The following RUFY3 variants were observed in gnomAD, a reference collection of about 807,000 sequenced individuals.
RUFY3 encodes RUN and FYVE domain containing 3.
Under a neutral mutation model 84.0 loss-of-function variants are expected in RUFY3, and 34 were observed. The observed-to-expected ratio is 0.40, with a 90% CI of 0.31 to 0.54. The LOEUF is 0.54. Ranked by LOEUF, RUFY3 falls within the 20% of genes least tolerant of loss-of-function variation. RUFY3 has a pLI of 0.39. For missense variants in RUFY3, 507 were observed against 736.8 expected (o/e 0.69, Z 3.61); for synonymous variants, 242 against 252.9 (o/e 0.96, Z 0.41).
chr4:70,732,235 T>C (rs182651278), intron 1 of RUFY3, among the ~76,000 whole-genome samples: 2 of 152,330 alleles, frequency 1.3e-5, no homozygotes, highest in East Asian at 3.9e-4. Flanking sequence ...CTAGAAATCA[T>C]TCCCCAGTTA....
intron 1 of RUFY3, among the ~76,000 whole-genome samples, chr4:70,732,688 A>G (rs543875454): frequency 9.9e-5 from 15 of 152,052 alleles, no homozygotes; most frequent in Admixed American, 2.0e-4. Flanking sequence ...GTTCTCACTC[A>G]TAAGTGGGAG....
intron 4 of RUFY3, among the ~76,000 whole-genome samples, chr4:70,765,013 C>T (rs1200729711): frequency 2.0e-5 from 3 of 151,862 alleles, no homozygotes; most frequent in Admixed American, 6.6e-5. Context: ...TGTCGAAACC[C>T]TATCTCTACT....
chr4:70,735,706 G>T (rs1395512161), intron 1 of RUFY3, among the ~76,000 whole-genome samples: 2 of 152,070 alleles, frequency 1.3e-5, no homozygotes, highest in Non-Finnish European at 2.9e-5. Flanking sequence ...GCTGGGTGCT[G>T]CTGGGCACTG....
At chr4:70,785,712 C>G (rs1210807336) in intron 10 of RUFY3, among the ~76,000 whole-genome samples, 1 of 151,924 alleles carries the variant, frequency 6.6e-6, no homozygotes, top group Non-Finnish European at 1.5e-5. Context: ...TGGCATGCAC[C>G]TGTAATCCCA....
intron 1 of RUFY3, 109 bp downstream of exon 1, chr4:70,722,860 C>CA: frequency 1.9e-6 from 2 of 1,068,960 alleles, no homozygotes; most frequent in Non-Finnish European, 2.7e-6. Flanking sequence ...CAACTGTTAA[C>CA]AGTCCTGAAA....
chr4:70,805,278 C>T lies in RUFY3; in HGVS notation c.1719+862C>T, dbSNP rs193104778. Among the ~76,000 whole-genome samples, 22 of 152,284 alleles carry T rather than the reference C, an allele frequency of 1.4e-4. No homozygotes were observed. In the East Asian group the frequency reaches 3.7e-3, roughly 25 times the overall value. On this transcript the variant is annotated intron_variant, in intron 17 of 17. Transcript: ENST00000381006. The stretch of plus-strand genomic sequence containing the variant: ...CCTGCTAGACCACTTGTTTTCCACC[C>T]GATCCTCAAGGGTGCCTGCCTGAGC...
intron 1 of RUFY3, among the ~76,000 whole-genome samples, chr4:70,746,286 G>A (rs1168342762): frequency 6.6e-6 from 1 of 151,712 alleles, no homozygotes; most frequent in Non-Finnish European, 1.5e-5. Context: ...GGAGGTTGCA[G>A]TGAGTCAAGA....
In RUFY3 at chr4:70,800,085, A is replaced by G. The variant is rs913055983; in HGVS notation, c.1558-56A>G. 205 of 1,521,720 alleles carry G rather than the reference A, an allele frequency of 1.3e-4. 1 individual carries two copies. In the Middle Eastern group the frequency reaches 1.4e-3, roughly 10 times the overall value. 94.3% of individuals were successfully genotyped at this position (1,521,720 alleles called of 1,614,324 possible). A position where few individuals can be genotyped will look rare whatever the true frequency, so the allele number is the denominator to read the frequency against. ...GGCATTGCAGAAGAAAATATTTGCAATATCATTATTTAGCATTCTGAATAA... is the reference window on the plus strand; with the variant it reads ...GGCATTGCAGAAGAAAATATTTGCAGTATCATTATTTAGCATTCTGAATAA... On this transcript the variant is annotated intron_variant, in intron 14 of 17. Transcript: ENST00000381006.
chr4:70,705,290 G>A, exon 1 of RUFY3: 2 of 1,409,678 alleles, frequency 1.4e-6, no homozygotes, highest in Admixed American at 2.9e-5. Flanking sequence ...GCAGCGGCAA[G>A]CACCGTGAGT....
chr4:70,755,121 C>A (rs181704870), intron 1 of RUFY3, among the ~76,000 whole-genome samples: 1 of 152,254 alleles, frequency 6.6e-6, no homozygotes, highest in South Asian at 2.1e-4. Context: ...CTAGGCTGGT[C>A]TCAAACTTTT....
At chr4:70,754,592 G>A (rs1173059161) in intron 1 of RUFY3, among the ~76,000 whole-genome samples, 1 of 149,518 alleles carries the variant, frequency 6.7e-6, no homozygotes, top group Non-Finnish European at 1.5e-5. Flanking sequence ...ACAAATAAGT[G>A]TCATCAGGCT....
At chr4:70,775,712 A>G (rs937162503) in intron 7 of RUFY3, among the ~76,000 whole-genome samples, 2 of 152,040 alleles carry the variant, frequency 1.3e-5, no homozygotes, top group African/African-American at 4.8e-5. Flanking sequence ...TTGGGAGGCC[A>G]AGGCAGGAGG....
intron 1 of RUFY3, among the ~76,000 whole-genome samples, chr4:70,749,256 C>T (rs1464800456): frequency 6.6e-6 from 1 of 152,140 alleles, no homozygotes; most frequent in Non-Finnish European, 1.5e-5. Context: ...AGGTATTCTT[C>T]TGCAGCATGG....
rs560282639 is a variant in RUFY3, at chr4:70,764,916, T to C, written c.572+340T>C. Among the ~76,000 whole-genome samples the C allele has an allele frequency of 1.5e-4, 23 of 152,210 alleles. No individual in the cohort carries two copies. The East Asian group carries it at 4.4e-3, about 29-fold the overall frequency. ...ATAGCACAAAATTGGACGGGTGCAG[T>C]GGTTCACGCCTGTAATCCCAGCATT... On this transcript the variant is annotated intron_variant, in intron 4 of 17. Coordinates refer to ENST00000381006, the MANE Select transcript of RUFY3 (RefSeq NM_001037442.4).
chr4:70,755,807 C>T (rs1450154160), intron 1 of RUFY3, among the ~76,000 whole-genome samples: 2 of 151,946 alleles, frequency 1.3e-5, no homozygotes, highest in South Asian at 2.1e-4. Context: ...AAAAGTTAGC[C>T]GGGCGTGGCA....
intron 4 of RUFY3, among the ~76,000 whole-genome samples, chr4:70,767,274 T>C (rs921156814): frequency 1.4e-5 from 2 of 144,314 alleles, no homozygotes; most frequent in Non-Finnish European, 3.0e-5. Context: ...TTTTTTTTTT[T>C]TTTTTTTTTT....
chr4:70,755,509 C>T (rs771529105), intron 1 of RUFY3, among the ~76,000 whole-genome samples: 43 of 152,180 alleles, frequency 2.8e-4, no homozygotes, highest in Non-Finnish European at 6.0e-4. Flanking sequence ...CAATATGACT[C>T]ACTGTCACTG....
At chr4:70,747,169 G>A (rs1722369095) in intron 1 of RUFY3, among the ~76,000 whole-genome samples, 1 of 152,152 alleles carries the variant, frequency 6.6e-6, no homozygotes, top group Non-Finnish European at 1.5e-5. Flanking sequence ...CACACAGCTA[G>A]GGAAGAGTTT....
intron 13 of RUFY3, 52 bp downstream of exon 13, chr4:70,793,956 G>GT (rs1731191469): frequency 6.3e-7 from 1 of 1,585,814 alleles, no homozygotes; most frequent in Non-Finnish European, 8.6e-7. Flanking sequence ...AATTCTTAGG[G>GT]TAGACAGCAA....
Sources: gnomAD v4.1 joint callset for allele counts (sites outside exome capture counted in the v4.1 genomes callset) on GRCh38, gnomAD v4.1.1 for gene constraint, MANE v1.5 for transcripts, NCBI Gene and HGNC (gene_info 2026-07-23, HGNC 2026-07-21) for gene names.